Variants in SLC2A13 observed in about 807,000 individuals in gnomAD.
The protein encoded by SLC2A13 is solute carrier family 2 member 13.
In SLC2A13, 32 loss-of-function variants were observed where a neutral mutation model predicts 64.4. That is an observed-to-expected ratio of 0.50 (90% confidence interval 0.37 to 0.67). The LOEUF (loss-of-function observed/expected upper bound fraction) is 0.67. Among genes scored for constraint, SLC2A13 ranks in the 30% least tolerant of loss-of-function variants. The pLI is 0.00. For missense variants in SLC2A13, 743 were observed against 829.2 expected (o/e 0.90, Z 1.28); for synonymous variants, 338 against 327.1 (o/e 1.03, Z -0.36).
At chr12:39,878,089 T>C (rs1944237407) in intron 4 of SLC2A13, among the ~76,000 whole-genome samples, 1 of 152,220 alleles carries the variant, frequency 6.6e-6, no homozygotes, top group Non-Finnish European at 1.5e-5. Context: ...CCCAAGAAGC[T>C]AAGCAGATGC....
intron 6 of SLC2A13, among the ~76,000 whole-genome samples, chr12:39,863,963 G>A (rs1429990116): frequency 6.6e-6 from 1 of 152,136 alleles, no homozygotes; most frequent in Non-Finnish European, 1.5e-5. Flanking sequence ...TCTATTTCAA[G>A]CTAAAGGAAT....
At chr12:39,952,861 C>T (rs951972264) in intron 3 of SLC2A13, among the ~76,000 whole-genome samples, 1 of 152,120 alleles carries the variant, frequency 6.6e-6, no homozygotes, top group Non-Finnish European at 1.5e-5. Context: ...GATCAGCAAC[C>T]TGAAAGATAG....
chr12:39,918,748 G>T (rs899932292), intron 4 of SLC2A13, among the ~76,000 whole-genome samples: 1 of 151,506 alleles, frequency 6.6e-6, no homozygotes, highest in African/African-American at 2.4e-5. Context: ...TACAAAATTA[G>T]CTGGGCGTGG....
chr12:40,001,888 A>G (rs1947326571), intron 3 of SLC2A13, among the ~76,000 whole-genome samples: 1 of 152,260 alleles, frequency 6.6e-6, no homozygotes, highest in Admixed American at 6.5e-5. Context: ...TTATTTCACT[A>G]GGATAAATAA....
At chr12:40,068,436 C>A (rs1592055457) in intron 1 of SLC2A13, 1 of 238,750 alleles carries the variant, frequency 4.2e-6, no homozygotes, top group South Asian at 4.6e-5. Flanking sequence ...CAAAGCTGGG[C>A]ACTTGTTAGT....
intron 2 of SLC2A13, among the ~76,000 whole-genome samples, chr12:40,045,404 TTATGAA>T (rs1948155166): frequency 6.6e-6 from 1 of 151,812 alleles, no homozygotes; most frequent in African/African-American, 2.4e-5. Flanking sequence ...ATTGTTATAA[TTATGAA>T]TAAGTTATCA....
At chr12:40,017,453 C>T (rs920841663) in intron 3 of SLC2A13, among the ~76,000 whole-genome samples, 1 of 152,216 alleles carries the variant, frequency 6.6e-6, no homozygotes, top group Non-Finnish European at 1.5e-5. Context: ...AGGATTTCCT[C>T]ATTAATACAT....
chr12:40,084,757 T>C (rs981236791), intron 1 of SLC2A13, among the ~76,000 whole-genome samples: 2 of 152,166 alleles, frequency 1.3e-5, no homozygotes, highest in Non-Finnish European at 2.9e-5. Context: ...TCTGTGATAG[T>C]GTGAAATATT....
chr12:39,963,559 G>A (rs939901974), intron 3 of SLC2A13, among the ~76,000 whole-genome samples: 2 of 152,152 alleles, frequency 1.3e-5, no homozygotes, highest in Admixed American at 6.5e-5. Flanking sequence ...ATCAAGATAT[G>A]TACTGCCAAA....
At chr12:39,800,008 T>C (rs1941727817) in intron 7 of SLC2A13, among the ~76,000 whole-genome samples, 1 of 152,208 alleles carries the variant, frequency 6.6e-6, no homozygotes. Flanking sequence ...TGTCTACCTT[T>C]TTTTGCAGTT....
chr12:40,003,179 T>C (rs1016399448), intron 3 of SLC2A13, among the ~76,000 whole-genome samples: 1 of 152,218 alleles, frequency 6.6e-6, no homozygotes, highest in Non-Finnish European at 1.5e-5. Flanking sequence ...AAAACAGTTA[T>C]ATAATCAGGA....
chr12:40,059,920 G>T (rs992277238), intron 1 of SLC2A13, among the ~76,000 whole-genome samples: 1 of 152,120 alleles, frequency 6.6e-6, no homozygotes, highest in African/African-American at 2.4e-5. Context: ...GTCTTGGACA[G>T]TGAAAGGAGA....
chr12:40,088,741 G>A (rs987714153), intron 1 of SLC2A13, among the ~76,000 whole-genome samples: 6 of 152,184 alleles, frequency 3.9e-5, no homozygotes, highest in Admixed American at 6.5e-5. Context: ...TGTAGCAGGG[G>A]AGACACAAAA....
intron 7 of SLC2A13, among the ~76,000 whole-genome samples, chr12:39,799,254 CTT>C (rs377069679): frequency 1.8e-4 from 20 of 113,276 alleles, no homozygotes; most frequent in African/African-American, 6.2e-4. Flanking sequence ...TATGCTTAGC[CTT>C]TTTTTTTTTT....
intron 6 of SLC2A13, among the ~76,000 whole-genome samples, chr12:39,851,111 G>T (rs1479124062): frequency 6.6e-6 from 1 of 152,040 alleles, no homozygotes; most frequent in Admixed American, 6.6e-5. Flanking sequence ...TGTTGGCCAG[G>T]CTGGTCTCGA....
At chr12:39,905,967 C>T (rs2136028819) in intron 4 of SLC2A13, among the ~76,000 whole-genome samples, 1 of 152,006 alleles carries the variant, frequency 6.6e-6, no homozygotes, top group Admixed American at 6.6e-5. Context: ...AAGTATATTC[C>T]TAATTTTGTT....
intron 2 of SLC2A13, among the ~76,000 whole-genome samples, chr12:40,038,967 A>C (rs1276477425): frequency 6.6e-6 from 1 of 151,752 alleles, no homozygotes; most frequent in Non-Finnish European, 1.5e-5. Flanking sequence ...ATATAAGCTC[A>C]ATTTGCCCAT....
chr12:39,944,524 C>G (rs59663144), intron 4 of SLC2A13, among the ~76,000 whole-genome samples: 2,690 of 152,242 alleles, frequency 0.018, 97 homozygotes, highest in African/African-American at 0.061. Flanking sequence ...ATTCGGAGCT[C>G]CAGTGTTAGG....
At chr12:39,931,250 T>C (rs1340972872) in intron 4 of SLC2A13, among the ~76,000 whole-genome samples, 2 of 152,144 alleles carry the variant, frequency 1.3e-5, no homozygotes, top group East Asian at 1.9e-4. Flanking sequence ...ATAAGGATCG[T>C]CTACTTCTTT....
Sources: gnomAD v4.1 joint callset for allele counts (sites outside exome capture counted in the v4.1 genomes callset) on GRCh38, gnomAD v4.1.1 for gene constraint, MANE v1.5 for transcripts, NCBI Gene and HGNC (gene_info 2026-07-23, HGNC 2026-07-21) for gene names.